The following DHRS2 variants were observed in gnomAD, a reference collection of about 807,000 sequenced individuals.
DHRS2 encodes dehydrogenase/reductase SDR family member 2, mitochondrial.
DHRS2 carries 29 observed loss-of-function variants against 26.3 expected under a neutral mutation model. That is an observed-to-expected ratio of 1.10 (90% CI 0.82 to 1.50). The LOEUF (loss-of-function observed/expected upper bound fraction) is 1.50. DHRS2 is among the 40% of genes most tolerant of loss of function. The pLI, the probability that DHRS2 is intolerant of heterozygous loss-of-function variation, is 0.00. For missense variants in DHRS2, 439 were observed against 367.1 expected (o/e 1.20, Z -1.60); for synonymous variants, 164 against 151.3 (o/e 1.08, Z -0.62).
chr14:23,643,008 C>A, intron 4 of DHRS2, 144 bp from the exon 5 acceptor site: 1 of 767,240 alleles, frequency 1.3e-6, no homozygotes, highest in South Asian at 1.6e-5. Flanking sequence ...ACCTCTTGCA[C>A]CAGTCAGAAG....
At chr14:23,644,258 C>A (rs1890782938) in intron 6 of DHRS2, 96 bp downstream of exon 6, 4 of 1,555,038 alleles carry the variant, frequency 2.6e-6, no homozygotes, top group Admixed American at 1.7e-5. Context: ...CTGGGACAGA[C>A]CCCCACCATC....
upstream of DHRS2, among the ~76,000 whole-genome samples, chr14:23,634,337 G>A (rs1890207295): frequency 6.6e-6 from 1 of 151,978 alleles, no homozygotes; most frequent in Non-Finnish European, 1.5e-5. Context: ...AAAGTGCTGG[G>A]ATTACAGGCA....
rs759282740 is a variant in DHRS2 at position 23,644,108 on chromosome 14, C to T, written c.489-3C>T. 1 of 1,614,108 alleles carries T rather than the reference C, an allele frequency of 6.2e-7. No homozygotes were observed. Among genetic ancestry groups the T allele is most frequent in the Non-Finnish European group, 8.5e-7 (1 of 1,179,978 alleles). On this transcript the variant is annotated splice_region_variant and splice_polypyrimidine_tract_variant and intron_variant, in intron 5 of 8. Transcript: ENST00000250383. ...AGCTTCTCTTATGTTTGTCTTGTCT[C>T]AGGAGGGGTGCTGTCATCCTGGTCT...
At position 23,639,364 on chromosome 14, in the gene DHRS2, G is replaced by A. The variant is rs1362768302; in HGVS notation, c.318+8G>A. On this transcript the variant is annotated splice_region_variant and intron_variant, in intron 3 of 8. Coordinates refer to ENST00000250383, the MANE Select transcript of DHRS2 (RefSeq NM_005794.4). ...GAGCAGCTGGTGGCCAAGGTGAGGG[G>A]GCAGGCGGTGGAAGGACACAGAGAG... 1.3e-6 allele frequency: 2 copies of A among 1,558,032 alleles called. No individual in the cohort carries two copies. The highest frequency in any genetic ancestry group is 2.2e-5 in the East Asian group (1 of 44,524).
At chr14:23,641,558 C>A in intron 4 of DHRS2, 1 of 1,257,478 alleles carries the variant, frequency 8.0e-7, no homozygotes. Flanking sequence ...GCCCCTCACT[C>A]AGCCTGATGC....
intron 2 of DHRS2, 87 bp from the exon 3 acceptor site, chr14:23,639,092 C>A (rs1487107829): frequency 3.8e-6 from 6 of 1,592,696 alleles, no homozygotes; most frequent in East Asian, 2.2e-5. Flanking sequence ...CAAGACCCAG[C>A]CTTATTTGCT....
chr14:23,640,171 C>A, intron 4 of DHRS2: 1 of 809,936 alleles, frequency 1.2e-6, no homozygotes, highest in Non-Finnish European at 1.6e-6. Context: ...TTATTGCTGT[C>A]TGCCAGGCAC....
rs1479505188 is a variant in DHRS2, at chr14:23,639,007, G to A, written c.140+3G>A. On this transcript the variant is annotated splice_donor_region_variant and intron_variant, in intron 2 of 8. Transcript: ENST00000250383. ...GTGGTCACGGGGTCCACCAGTGGGT[G>A]AGTGCTGGATTGCCCATGGGTCCTG... is the stretch of plus-strand genomic sequence containing the variant. 3.1e-6 allele frequency: 5 copies of A among 1,612,560 alleles called. No individual in the cohort carries two copies. The highest frequency in any genetic ancestry group is 4.2e-6 in the Non-Finnish European group (5 of 1,179,838).
intron 7 of DHRS2, 99 bp from the exon 8 acceptor site, chr14:23,644,728 G>A (rs1566705198): frequency 6.6e-7 from 1 of 1,513,656 alleles, no homozygotes; most frequent in Non-Finnish European, 9.1e-7. Context: ...CTTTTGAGAA[G>A]GGCAAAGCTG....
rs963357432 is a variant in DHRS2 at position 23,644,505 on chromosome 14, G to T, written c.637G>T (p.Val213Leu). ...CCCCAAGGACATCCGGGTAAACTGC[G>T]TGGTTCCAGGAATTATCAAAACTGA... The part of the protein sequence containing the change: ...LAPKDIRVNC[V>L]VPGIIKTDFS... The change falls in exon 7 of 9, where the codon GTG becomes TTG. Residue 213 changes from valine to leucine, a missense_variant. Physicochemically the swap from Val to Leu is conservative, Grantham distance 32. Coordinates refer to ENST00000250383, the MANE Select transcript of DHRS2 (RefSeq NM_005794.4). 1.2e-6 allele frequency: 2 copies of T among 1,614,228 alleles called. No homozygotes were observed. Among genetic ancestry groups the T allele is most frequent in the Admixed American group, 1.7e-5 (1 of 60,028 alleles).
Position 23,645,539 on chromosome 14 carries a change from A to G in DHRS2, c.*286A>G. ...GTGCTTTGGAGGAATCTTAAGGGAA[A>G]GGAGTAGAAGCTCAGGCCTTTGAAG... On this transcript the variant is annotated 3_prime_UTR_variant, in exon 9 of 9. Transcript: ENST00000250383. 1 of 515,244 alleles carries G rather than the reference A, an allele frequency of 1.9e-6. No homozygotes were observed. The allele number at this position is 515,244 out of a possible 1,614,324, so 31.9% of individuals were successfully genotyped here.
At chr14:23,640,570 C>T (rs766975374) in intron 4 of DHRS2, 25 of 385,138 alleles carry the variant, frequency 6.5e-5, no homozygotes, top group Non-Finnish European at 8.5e-5. Context: ...GTTTTCTGTT[C>T]TCTCTGCCAG....
chr14:23,645,329 C>A lies in DHRS2; in HGVS notation c.*76C>A. Reference sequence around the variant, plus strand: ...GGGGTGTCTAGGTGATCATTTGGATCTGGAGGCAGAGTCTGCCATTCTGCC... The same window carrying A: ...GGGGTGTCTAGGTGATCATTTGGATATGGAGGCAGAGTCTGCCATTCTGCC... On this transcript the variant is annotated 3_prime_UTR_variant, in exon 9 of 9. Transcript: ENST00000250383. The A allele has an allele frequency of 6.2e-7, 1 of 1,607,092 alleles. No individual in the cohort carries two copies. Among genetic ancestry groups the A allele is most frequent in the Middle Eastern group, 1.7e-4 (1 of 5,748 alleles).
chr14:23,641,640 C>G, intron 4 of DHRS2: 1 of 1,289,826 alleles, frequency 7.8e-7, no homozygotes. Flanking sequence ...TTACAGCTAA[C>G]CTAATCCTCA....
intron 1 of DHRS2, 113 bp from the exon 2 acceptor site, chr14:23,638,714 A>T: frequency 8.8e-7 from 1 of 1,141,702 alleles, no homozygotes; most frequent in Non-Finnish European, 1.2e-6. Context: ...AACCAGCCTG[A>T]CTCTCTGCCA....
intron 4 of DHRS2, chr14:23,642,273 C>A: frequency 7.5e-6 from 4 of 534,192 alleles, no homozygotes; most frequent in Non-Finnish European, 9.6e-6. Context: ...AATGCTCAGT[C>A]CTTATCACAT....
In DHRS2 at chr14:23,639,302, G is replaced by A. The variant is rs111785187; in HGVS notation, c.264G>A (p.Ala88=). Residue 88 remains alanine (A), a synonymous_variant, in exon 3 of 9, where the codon GCG becomes GCA. Coordinates refer to ENST00000250383, the MANE Select transcript of DHRS2 (RefSeq NM_005794.4). ...TGCAGGGGGAGGGGCTGAGTGTGGCGGGCATTGTGTGCCACGTGGGGAAGG... is the reference window on the plus strand; with the variant it reads ...TGCAGGGGGAGGGGCTGAGTGTGGCAGGCATTGTGTGCCACGTGGGGAAGG... ...AKLQGEGLSV[A]GIVCHVGKAE... is the part of the protein sequence containing the mutation. 226 of 1,597,976 alleles carry A rather than the reference G, an allele frequency of 1.4e-4. No individual in the cohort carries two copies. Among genetic ancestry groups the A allele is most frequent in the African/African-American group, 1.3e-3 (97 of 74,570 alleles).
chr14:23,631,560 C>A (rs1414894485), upstream of DHRS2, among the ~76,000 whole-genome samples: 3 of 152,144 alleles, frequency 2.0e-5, no homozygotes, highest in East Asian at 1.9e-4. Flanking sequence ...CCCCCCCACC[C>A]CTTTCCTTTT....
At chr14:23,636,210 G>C (rs1043003054), upstream of DHRS2, 14 of 152,178 alleles carry the variant, frequency 9.2e-5, no homozygotes, top group African/African-American at 3.4e-4. Context: ...GCACCAATCA[G>C]CACTCTGTCA....
Sources: allele counts gnomAD v4.1 joint callset (sites outside exome capture counted in the v4.1 genomes callset), GRCh38; gene constraint gnomAD v4.1.1; transcripts MANE v1.5; gene names NCBI Gene and HGNC (gene_info 2026-07-23, HGNC 2026-07-21).